The following GUCY1A1 variants were observed in gnomAD, a reference collection of about 807,000 sequenced individuals.
GUCY1A1 encodes the protein guanylate cyclase 1 soluble subunit alpha 1.
Under a neutral mutation model 64.5 loss-of-function variants are expected in GUCY1A1, and 48 were observed. That is an observed-to-expected ratio of 0.74 (90% CI 0.59 to 0.95). The LOEUF is 0.95. Among genes scored for constraint, GUCY1A1 ranks in the 40% least tolerant of loss-of-function variants. The pLI is 0.00. For synonymous variants in GUCY1A1, 308 were observed against 303.4 expected (o/e 1.02, Z -0.16); for missense variants, 804 against 825.3 (o/e 0.97, Z 0.32).
intron 6 of GUCY1A1, 181 bp downstream of exon 6, chr4:155,711,432 T>G: frequency 2.2e-6 from 1 of 452,752 alleles, no homozygotes; most frequent in Non-Finnish European, 3.9e-6. Flanking sequence ...TTTGTTTGCT[T>G]ACTTGATTCA....
Position 155,735,985 on chromosome 4 carries a change from G to C in GUCY1A1, c.*5754G>C, listed in dbSNP as rs1253669301. The C allele has an allele frequency of 6.6e-6, 1 of 151,910 alleles. No homozygotes were observed. Among genetic ancestry groups the C allele is most frequent in the Non-Finnish European group, 1.5e-5 (1 of 67,912 alleles). 9.4% of individuals were successfully genotyped at this position (151,910 alleles called of 1,614,324 possible). A position where few individuals can be genotyped will look rare whatever the true frequency, so the allele number is the denominator to read the frequency against. ...ATAAGTTGTATCTTATAACATTGAAGTGAATGAAAATGTATTAGTATTTGA... is the reference window on the plus strand; with the variant it reads ...ATAAGTTGTATCTTATAACATTGAACTGAATGAAAATGTATTAGTATTTGA... On this transcript the variant is annotated 3_prime_UTR_variant, in exon 10 of 10. Transcript: ENST00000506455.
chr4:155,703,662 G>A (rs1291221754), intron 3 of GUCY1A1, among the ~76,000 whole-genome samples: 1 of 152,170 alleles, frequency 6.6e-6, no homozygotes, highest in African/African-American at 2.4e-5. Context: ...GTGGCTGTCA[G>A]TGAGACCACC....
chr4:155,687,320 A>T (rs1729125813), intron 2 of GUCY1A1, among the ~76,000 whole-genome samples: 1 of 152,196 alleles, frequency 6.6e-6, no homozygotes, highest in South Asian at 2.1e-4. Context: ...GAAGCATCAC[A>T]GCTTTCGTAA....
intron 2 of GUCY1A1, among the ~76,000 whole-genome samples, chr4:155,668,831 AAGTT>A (rs1445680464): frequency 1.3e-5 from 2 of 152,156 alleles, no homozygotes; most frequent in African/African-American, 4.8e-5. Flanking sequence ...GCTTCAGTGG[AAGTT>A]GTCTATGCAT....
intron 2 of GUCY1A1, among the ~76,000 whole-genome samples, chr4:155,689,997 T>C (rs1053171473): frequency 6.6e-6 from 1 of 152,190 alleles, no homozygotes. Flanking sequence ...CCCTACTCAG[T>C]AATAGAAATT....
chr4:155,707,089 C>A, intron 4 of GUCY1A1, among the ~76,000 whole-genome samples: 1 of 152,132 alleles, frequency 6.6e-6, no homozygotes, highest in Non-Finnish European at 1.5e-5. Flanking sequence ...GCAAAAGATT[C>A]TATGTATTTG....
intron 8 of GUCY1A1, 136 bp from the exon 9 acceptor site, chr4:155,721,895 GGGAAGTT>G (rs1733999960): frequency 1.0e-5 from 7 of 676,376 alleles, no homozygotes; most frequent in Non-Finnish European, 1.9e-5. Flanking sequence ...GAGGAGTAGA[GGGAAGTT>G]GGCTGAAGGT....
rs1733408504 is a variant in GUCY1A1 at position 155,717,451 on chromosome 4, T to C, written c.1716+149T>C. 1.6e-5 allele frequency: 7 copies of C among 450,570 alleles called. No homozygotes were observed. The East Asian group carries it at 2.4e-4, about 15-fold the overall frequency. The allele number at this position is 450,570 out of a possible 1,614,324, so 27.9% of individuals were successfully genotyped here. On this transcript the variant is annotated intron_variant, in intron 8 of 9. Transcript: ENST00000506455. The stretch of plus-strand genomic sequence containing the variant: ...GAGAACACAATCTTCTCTAACTTGT[T>C]TACATTGGAAGAAATTTATTATAGG...
At position 155,736,959 on chromosome 4, in the gene GUCY1A1, C is replaced by T. The variant is rs957149709; in HGVS notation, c.*6728C>T. On this transcript the variant is annotated 3_prime_UTR_variant, in exon 10 of 10. Transcript: ENST00000506455. The stretch of plus-strand genomic sequence containing the variant: ...TTTACTTCTGGCTGAGTTGCAAAGT[C>T]TATGAGAATGTTACCTCCTGTCTCA... 5.3e-5 allele frequency: 8 copies of T among 151,892 alleles called. No homozygotes were observed. Among genetic ancestry groups the T allele is most frequent in the African/African-American group, 1.7e-4 (7 of 41,384 alleles). 9.4% of individuals were successfully genotyped at this position (151,892 alleles called of 1,614,324 possible). A position where few individuals can be genotyped will look rare whatever the true frequency, so the allele number is the denominator to read the frequency against.
At position 155,730,144 on chromosome 4, in the gene GUCY1A1, A is replaced by T. The variant is rs1467228910; in HGVS notation, c.1986A>T (p.Gln662His). The T allele has an allele frequency of 2.5e-6, 4 of 1,612,018 alleles. No homozygotes were observed. Among genetic ancestry groups the T allele is most frequent in the South Asian group, 2.2e-5 (2 of 91,020 alleles). Residue 662 changes from glutamine (Q) to histidine (H), a missense_variant, in exon 10 of 10, where the codon CAA (glutamine) becomes CAT (histidine). Coordinates refer to ENST00000506455, the MANE Select transcript of GUCY1A1 (RefSeq NM_001130682.3). Reference protein sequence around the residue: ...GICHFLDAYQQGTNSKPCFQK... With the variant: ...GICHFLDAYQHGTNSKPCFQK... ...GCCATTTTCTGGATGCTTACCAACAAGGAACAAACTCAAAACCATGCTTCC... is the reference window on the plus strand; with the variant it reads ...GCCATTTTCTGGATGCTTACCAACATGGAACAAACTCAAAACCATGCTTCC...
In GUCY1A1 at chr4:155,722,203, T is replaced by C. The variant is rs368602592; in HGVS notation, c.1871+11T>C. 1.1e-5 allele frequency: 18 copies of C among 1,608,934 alleles called. No individual in the cohort carries two copies. In the African/African-American group the frequency reaches 1.5e-4, roughly 13 times the overall value. On this transcript the variant is annotated intron_variant, in intron 9 of 9. Transcript: ENST00000506455. ...CCCAACAACTTACAGGTAGTAATTA[T>C]GTTAAACACCTAAAATCTCTTGTTT...
intron 7 of GUCY1A1, among the ~76,000 whole-genome samples, chr4:155,714,431 AC>A (rs1732973461): frequency 6.6e-6 from 1 of 152,224 alleles, no homozygotes; most frequent in Admixed American, 6.5e-5. Flanking sequence ...CATCCCTGAT[AC>A]CTTTTCTTTT....
At chr4:155,677,392 C>T (rs1303141267) in intron 2 of GUCY1A1, among the ~76,000 whole-genome samples, 2 of 152,194 alleles carry the variant, frequency 1.3e-5, no homozygotes, top group African/African-American at 4.8e-5. Context: ...CTTCATTATA[C>T]AGTGTCAAAA....
At chr4:155,721,738 C>G (rs1733977735) in intron 8 of GUCY1A1, among the ~76,000 whole-genome samples, 1 of 152,064 alleles carries the variant, frequency 6.6e-6, no homozygotes, top group South Asian at 2.1e-4. Context: ...TGCTATGTTG[C>G]TGTGGTTACT....
chr4:155,713,305 C>G lies in GUCY1A1; in HGVS notation c.1294C>G (p.Leu432Val). 6.2e-7 allele frequency: 1 copy of G among 1,614,168 alleles called. No individual in the cohort carries two copies. Among genetic ancestry groups the G allele is most frequent in the Non-Finnish European group, 8.5e-7 (1 of 1,180,020 alleles). ...TGGCCTGAAGAAGAGGCTGGGGAAG[C>G]TGAAGGCTACCCTTGAGCAAGCCCA... ...QDGLKKRLGKLKATLEQAHQA... is the reference protein window; with the variant it reads ...QDGLKKRLGKVKATLEQAHQA... The change falls in exon 7 of 10, where the codon CTG (leucine) becomes GTG (valine). Residue 432 changes from leucine to valine, a missense_variant. By Grantham distance (32) the Leu-to-Val change is conservative (BLOSUM62 1). Transcript: ENST00000506455.
At chr4:155,711,548 A>C (rs1346254943) in intron 6 of GUCY1A1, among the ~76,000 whole-genome samples, 1 of 152,250 alleles carries the variant, frequency 6.6e-6, no homozygotes, top group Non-Finnish European at 1.5e-5. Context: ...TTCAATTATC[A>C]AATAGCTGAC....
chr4:155,728,510 T>C (rs1016036456), intron 9 of GUCY1A1, among the ~76,000 whole-genome samples: 2 of 151,888 alleles, frequency 1.3e-5, no homozygotes, highest in African/African-American at 4.8e-5. Flanking sequence ...CAAAAAGTGA[T>C]TCAATAGGTA....
chr4:155,669,293 C>T (rs570586706), intron 2 of GUCY1A1, among the ~76,000 whole-genome samples: 53 of 151,796 alleles, frequency 3.5e-4, no homozygotes, highest in African/African-American at 1.2e-3. Flanking sequence ...TTCTATTATA[C>T]GACAGAAAAT....
At position 155,730,399 on chromosome 4, in the gene GUCY1A1, T is replaced by C; in HGVS notation, c.*168T>C. 2.1e-6 allele frequency: 1 copy of C among 468,112 alleles called. No homozygotes were observed. Among genetic ancestry groups the C allele is most frequent in the Non-Finnish European group, 3.8e-6 (1 of 264,750 alleles). 29.0% of individuals were successfully genotyped at this position (468,112 alleles called of 1,614,324 possible). ...ACATGACAAAATGTATGTACTCACT[T>C]CAGTACTTCAGCTCTTCAAGAAAAA... On this transcript the variant is annotated 3_prime_UTR_variant, in exon 10 of 10. Coordinates refer to ENST00000506455, the MANE Select transcript of GUCY1A1 (RefSeq NM_001130682.3).
Sources: gnomAD v4.1 joint callset for allele counts (sites outside exome capture counted in the v4.1 genomes callset) on GRCh38, gnomAD v4.1.1 for gene constraint, MANE v1.5 for transcripts, NCBI Gene and HGNC (gene_info 2026-07-23, HGNC 2026-07-21) for gene names.